CPE: variants seen among roughly 807,000 people sequenced by gnomAD.
CPE encodes the protein carbocypeptidase E.
A neutral mutation model predicts 53.5 loss-of-function variants in CPE; 17 were observed. That is an observed-to-expected ratio of 0.32 (90% CI 0.22 to 0.48). The LOEUF (loss-of-function observed/expected upper bound fraction) is 0.48, where lower values mean the gene tolerates loss of function less well. Among genes scored for constraint, CPE ranks in the 20% least tolerant of loss-of-function variants. The pLI is 0.99. For synonymous variants in CPE, 226 were observed against 228.8 expected, an observed-to-expected ratio of 0.99 and a Z score of 0.11; for missense variants, 524 against 614.7, an observed-to-expected ratio of 0.85 and a Z score of 1.56.
In CPE at chr4:165,497,615, G is replaced by C. The variant is rs376979596; in HGVS notation, c.*5G>C. 2 of 1,531,002 alleles carry C rather than the reference G, an allele frequency of 1.3e-6. No homozygotes were observed. The highest frequency in any genetic ancestry group is 1.8e-6 in the Non-Finnish European group (2 of 1,133,398). The allele number at this position is 1,531,002 out of a possible 1,614,324, so 94.8% of individuals were successfully genotyped here. Reference sequence around the variant, plus strand: ...TCAGAAACTTTAAATTTTTAAAAAGGCTTCTAGTTAGCTGCTTTAAATCTA... The same window carrying C: ...TCAGAAACTTTAAATTTTTAAAAAGCCTTCTAGTTAGCTGCTTTAAATCTA... On this transcript the variant is annotated 3_prime_UTR_variant, in exon 9 of 9. Transcript: ENST00000402744.
Position 165,487,587 on chromosome 4 carries a change from G to C in CPE, c.1113+10G>C. The C allele has an allele frequency of 6.2e-7, 1 of 1,613,742 alleles. No individual in the cohort carries two copies. Among genetic ancestry groups the C allele is most frequent in the Non-Finnish European group, 8.5e-7 (1 of 1,179,898 alleles). On this transcript the variant is annotated intron_variant, in intron 6 of 8. Coordinates refer to ENST00000402744, the MANE Select transcript of CPE (RefSeq NM_001873.4). ...TAGCTACCTTGAGCAGGTAAACACA[G>C]TCCCCAGCATAAAAATGCAAGGTTT...
chr4:165,479,055 T>C (rs969119520), intron 3 of CPE, among the ~76,000 whole-genome samples: 1 of 152,090 alleles, frequency 6.6e-6, no homozygotes, highest in Non-Finnish European at 1.5e-5. Flanking sequence ...ATAGAGGGAA[T>C]GAGAGATGTA....
rs1214820281 is a variant in CPE, at chr4:165,406,266, T to C, written c.307+26738T>C. Reference sequence around the variant, plus strand: ...CAGCAAAGCAAAGGACCCTGTAAAATTGCGGCGTATATAACCTTGGGAGCG... The same window carrying C: ...CAGCAAAGCAAAGGACCCTGTAAAACTGCGGCGTATATAACCTTGGGAGCG... On this transcript the variant is annotated intron_variant, in intron 1 of 8. Transcript: ENST00000402744. 12 of 631,142 alleles carry C rather than the reference T, an allele frequency of 1.9e-5. No individual in the cohort carries two copies. The East Asian group carries it at 2.8e-4, about 15-fold the overall frequency. 39.1% of individuals were successfully genotyped at this position (631,142 alleles called of 1,614,324 possible). A position where few individuals can be genotyped will look rare whatever the true frequency, so the allele number is the denominator to read the frequency against.
At position 165,464,627 on chromosome 4, in the gene CPE, T is replaced by A. The variant is rs748385604; in HGVS notation, c.504+41T>A. ...CTCAGATCAGGCGTGCTTTCTTCATTTTCTGTATGTTTGTACATACATGTT... is the reference window on the plus strand; with the variant it reads ...CTCAGATCAGGCGTGCTTTCTTCATATTCTGTATGTTTGTACATACATGTT... On this transcript the variant is annotated intron_variant, in intron 2 of 8. Coordinates refer to ENST00000402744, the MANE Select transcript of CPE (RefSeq NM_001873.4). The A allele has an allele frequency of 7.0e-5, 105 of 1,505,362 alleles. 1 individual carries two copies. The South Asian group carries it at 1.2e-3, about 17-fold the overall frequency. 93.3% of individuals were successfully genotyped at this position (1,505,362 alleles called of 1,614,324 possible).
intron 1 of CPE, among the ~76,000 whole-genome samples, chr4:165,417,402 C>A (rs1048672247): frequency 5.9e-5 from 9 of 152,164 alleles, no homozygotes; most frequent in African/African-American, 2.2e-4. Flanking sequence ...CAGAGATTAT[C>A]TCTTTTCATT....
At chr4:165,431,798 A>G (rs1560880286) in intron 1 of CPE, among the ~76,000 whole-genome samples, 1 of 152,212 alleles carries the variant, frequency 6.6e-6, no homozygotes, top group East Asian at 1.9e-4. Context: ...AAGGAGCCAC[A>G]GAGTAATAAA....
Position 165,467,751 on chromosome 4 carries a change from A to G in CPE, c.568A>G (p.Asn190Asp), listed in dbSNP as rs2126702693. Residue 190 changes from asparagine to aspartate, a missense_variant, in exon 3 of 9, where the codon AAC (asparagine) becomes GAC (aspartate). By Grantham distance (23) the Asn-to-Asp change is conservative. Transcript: ENST00000402744. ...TGCCCAGGGAATAGATCTGAACCGG[A>G]ACTTTCCAGACCTGGATAGGATAGT... Reference protein sequence around the residue: ...SNAQGIDLNRNFPDLDRIVYV... With the variant: ...SNAQGIDLNRDFPDLDRIVYV... 1.2e-6 allele frequency: 2 copies of G among 1,613,834 alleles called. No individual in the cohort carries two copies. The highest frequency in any genetic ancestry group is 4.5e-5 in the East Asian group (2 of 44,842).
intron 8 of CPE, 50 bp from the exon 9 acceptor site, chr4:165,497,462 A>G (rs748936170): frequency 1.2e-5 from 13 of 1,088,584 alleles, no homozygotes; most frequent in African/African-American, 3.2e-5. Context: ...TTTCAATTTA[A>G]AAAAACACAT....
chr4:165,427,602 A>AT lies in CPE; in HGVS notation c.308-36781dup, dbSNP rs1326733947. On this transcript the variant is annotated intron_variant, in intron 1 of 8. Transcript: ENST00000402744. ...GGGTAAGAACCTACACATATTTTGC[A>AT]TTTTTTTCCTGAATATTAGATCCTC... Among the ~76,000 whole-genome samples, 6 of 152,252 alleles carry AT rather than the reference A, an allele frequency of 3.9e-5. No homozygotes were observed. The South Asian group carries it at 8.3e-4, about 21-fold the overall frequency.
chr4:165,474,390 T>A (rs114272189), intron 3 of CPE, among the ~76,000 whole-genome samples: 59 of 152,240 alleles, frequency 3.9e-4, no homozygotes, highest in African/African-American at 1.3e-3. Context: ...TTTTTGGGGA[T>A]GCATCTGAGG....
At chr4:165,485,224 G>A (rs542302450) in intron 5 of CPE, among the ~76,000 whole-genome samples, 61 of 152,182 alleles carry the variant, frequency 4.0e-4, no homozygotes, top group African/African-American at 1.4e-3. Flanking sequence ...GTCCCAAGGC[G>A]GACTTTACAG....
At chr4:165,407,757 T>A (rs1730975007) in intron 1 of CPE, among the ~76,000 whole-genome samples, 1 of 152,158 alleles carries the variant, frequency 6.6e-6, no homozygotes, top group African/African-American at 2.4e-5. Context: ...GGTTTTGCCA[T>A]GTTGGCCAGG....
At chr4:165,385,581 A>G (rs1183090169) in intron 1 of CPE, among the ~76,000 whole-genome samples, 6 of 151,376 alleles carry the variant, frequency 4.0e-5, no homozygotes, top group African/African-American at 9.7e-5. Flanking sequence ...TAGCTGGACT[A>G]CAGATGTGAG....
intron 1 of CPE, among the ~76,000 whole-genome samples, chr4:165,440,905 T>C (rs1731599363): frequency 6.6e-6 from 1 of 152,136 alleles, no homozygotes; most frequent in East Asian, 1.9e-4. Flanking sequence ...CGGTGTGGTA[T>C]GAATCTTAAA....
chr4:165,463,267 TG>T (rs1732039966), intron 1 of CPE, among the ~76,000 whole-genome samples: 1 of 152,156 alleles, frequency 6.6e-6, no homozygotes, highest in African/African-American at 2.4e-5. Flanking sequence ...AGATTATGTA[TG>T]GCAAGGAACT....
At position 165,379,317 on chromosome 4, in the gene CPE, G is replaced by T. The variant is rs1426786109; in HGVS notation, c.96G>T (p.Ala32=). 3.8e-6 allele frequency: 6 copies of T among 1,558,998 alleles called. No homozygotes were observed. The highest frequency in any genetic ancestry group is 4.3e-6 in the Non-Finnish European group (5 of 1,157,588). ...LLGAEAQEPG[A]PAAGMRRRRR... ...GCGCCGAAGCCCAGGAGCCCGGGGCGCCCGCGGCGGGCATGAGGCGGCGCC... is the reference window on the plus strand; with the variant it reads ...GCGCCGAAGCCCAGGAGCCCGGGGCTCCCGCGGCGGGCATGAGGCGGCGCC... The change falls in exon 1 of 9, where the codon GCG becomes GCT. Residue 32 remains alanine, a synonymous_variant. Transcript: ENST00000402744. The surrounding 1 kb of genome is among the most constrained non-coding windows in gnomAD (Gnocchi z 6.0).
At chr4:165,425,558 G>A (rs13103210) in intron 1 of CPE, among the ~76,000 whole-genome samples, 44,915 of 151,262 alleles carry the variant, frequency 0.3, 6,705 homozygotes, top group Middle Eastern at 0.39. Context: ...AAAGGAGCAA[G>A]GAATAAAAAA....
intron 1 of CPE, among the ~76,000 whole-genome samples, chr4:165,431,379 A>C (rs1010389438): frequency 6.6e-6 from 1 of 152,222 alleles, no homozygotes; most frequent in African/African-American, 2.4e-5. Flanking sequence ...GGCAGAACTG[A>C]CGTCCTTTTG....
intron 3 of CPE, among the ~76,000 whole-genome samples, chr4:165,476,008 C>T (rs1732293363): frequency 6.6e-6 from 1 of 152,116 alleles, no homozygotes; most frequent in Non-Finnish European, 1.5e-5. Flanking sequence ...GGAAACATAT[C>T]CAAGTCATGT....
Sources: gnomAD v4.1 joint callset for allele counts (sites outside exome capture counted in the v4.1 genomes callset) on GRCh38, gnomAD v4.1.1 for gene constraint, Gnocchi (gnomAD v3.1) non-coding constraint, MANE v1.5 for transcripts, NCBI Gene and HGNC (gene_info 2026-07-23, HGNC 2026-07-21) for gene names.